The following DFFB variants were observed in gnomAD, a reference collection of about 807,000 sequenced individuals.
DFFB encodes DNA fragmentation factor 40 kDa subunit.
In DFFB, 29 loss-of-function variants were observed where a neutral mutation model predicts 32.7. The observed-to-expected ratio is 0.89, with a 90% CI of 0.66 to 1.21. DFFB has a LOEUF of 1.21. Ranked by LOEUF, DFFB falls within the 50% of genes most tolerant of loss-of-function variation. The pLI, the probability that DFFB is intolerant of heterozygous loss-of-function variation, is 0.00. For synonymous variants in DFFB, 170 were observed against 177.1 expected (o/e 0.96, Z 0.32); for missense variants, 398 against 440.6 (o/e 0.90, Z 0.87).
At chr1:3,861,016 A>C (rs573426419) in intron 2 of DFFB, among the ~76,000 whole-genome samples, 44 of 152,182 alleles carry the variant, frequency 2.9e-4, no homozygotes, top group African/African-American at 9.9e-4. Flanking sequence ...TTAGCTGGGC[A>C]TGGTGGCGGG....
At chr1:3,868,620 C>T (rs1570914360) in intron 4 of DFFB, among the ~76,000 whole-genome samples, 2 of 151,978 alleles carry the variant, frequency 1.3e-5, no homozygotes, top group Admixed American at 1.3e-4. Context: ...CCAGACCACA[C>T]CACACCAGGC....
At chr1:3,864,411 G>A (rs1372315665) in intron 2 of DFFB, among the ~76,000 whole-genome samples, 1 of 152,146 alleles carries the variant, frequency 6.6e-6, no homozygotes, top group Non-Finnish European at 1.5e-5. Context: ...GTGCAGCCTC[G>A]CCAGCTTTCG....
intron 6 of DFFB, among the ~76,000 whole-genome samples, chr1:3,874,110 C>G (rs150035692): frequency 0.012 from 1,706 of 147,146 alleles, 64 homozygotes; most frequent in African/African-American, 0.042. Context: ...CCCACGCTGT[C>G]ATCTGCAGAG....
Position 3,866,465 on chromosome 1 carries a change from A to G in DFFB, c.430+465A>G, listed in dbSNP as rs1644982911. On this transcript the variant is annotated intron_variant, in intron 3 of 6. Transcript: ENST00000378209. ...GAGATGAGGTTTCGCCATGTTGGCC[A>G]GGCTGGTCTCAAACTTCTGATCTCA... is the stretch of plus-strand genomic sequence containing the variant. 1.5e-5 allele frequency: 3 copies of G among 200,046 alleles called. No individual in the cohort carries two copies. In the South Asian group the frequency reaches 1.9e-4, roughly 13 times the overall value. 12.4% of individuals were successfully genotyped at this position (200,046 alleles called of 1,614,324 possible).
At chr1:3,880,443 A>T (rs1645312967) in intron 6 of DFFB, among the ~76,000 whole-genome samples, 1 of 152,142 alleles carries the variant, frequency 6.6e-6, no homozygotes, top group African/African-American at 2.4e-5. Context: ...AGAGTTATGG[A>T]GTCTGAGGTG....
At chr1:3,870,850 A>G (rs1341413767) in intron 5 of DFFB, among the ~76,000 whole-genome samples, 1 of 151,842 alleles carries the variant, frequency 6.6e-6, no homozygotes, top group Non-Finnish European at 1.5e-5. Context: ...TCTGCTGGGG[A>G]GGCTGTGAGT....
At chr1:3,879,487 G>A (rs1021993265) in intron 6 of DFFB, among the ~76,000 whole-genome samples, 2 of 152,104 alleles carry the variant, frequency 1.3e-5, no homozygotes, top group Non-Finnish European at 2.9e-5. Context: ...ATGAGGGTGG[G>A]GCCCTAATCC....
At chr1:3,878,140 T>C (rs546608653) in intron 6 of DFFB, among the ~76,000 whole-genome samples, 36 of 151,862 alleles carry the variant, frequency 2.4e-4, no homozygotes, top group African/African-American at 8.4e-4. Context: ...CCATGATGGC[T>C]ACTCAGTGAA....
At chr1:3,872,784 C>G (rs75796323) in intron 6 of DFFB, among the ~76,000 whole-genome samples, 4,963 of 152,290 alleles carry the variant, frequency 0.033, 241 homozygotes, top group African/African-American at 0.11. Flanking sequence ...ACACACCATT[C>G]CCTCCACTGT....
intron 5 of DFFB, among the ~76,000 whole-genome samples, chr1:3,870,247 C>T (rs1645084628): frequency 6.6e-6 from 1 of 152,186 alleles, no homozygotes. Context: ...TGGGCACACC[C>T]CTCCCCCTCC....
intron 1 of DFFB, among the ~76,000 whole-genome samples, chr1:3,858,058 G>A (rs1045221705): frequency 7.2e-5 from 11 of 152,210 alleles, no homozygotes; most frequent in African/African-American, 2.4e-4. Flanking sequence ...TTCCCCTTGA[G>A]TAACATGAAA....
In DFFB at chr1:3,862,920, C is replaced by T. The variant is rs531943728; in HGVS notation, c.242-2892C>T. ...ATCCCAGCACTTTGGGAGGCCGAGA[C>T]GGGCAGATCACTTGAGGTCAGGAGT... On this transcript the variant is annotated intron_variant, in intron 2 of 6. Coordinates refer to ENST00000378209, the MANE Select transcript of DFFB (RefSeq NM_004402.4). Among the ~76,000 whole-genome samples the T allele has an allele frequency of 2.0e-4, 31 of 152,242 alleles. No homozygotes were observed. In the South Asian group the frequency reaches 6.0e-3, roughly 30 times the overall value.
At position 3,865,618 on chromosome 1, in the gene DFFB, T is replaced by A; in HGVS notation, c.242-194T>A. On this transcript the variant is annotated intron_variant, in intron 2 of 6. Transcript: ENST00000378209. The surrounding 1 kb of genome is among the most constrained non-coding windows in gnomAD (Gnocchi z 4.7). ...CCTGCCCCTCCCTCCTCTGTCCTCA[T>A]GCCGCCCTTGTGCGTGGTCCCCAGC... is the stretch of plus-strand genomic sequence containing the variant. The A allele has an allele frequency of 1.3e-6, 1 of 794,412 alleles. No homozygotes were observed. Among genetic ancestry groups the A allele is most frequent in the East Asian group, 2.6e-5 (1 of 38,452 alleles). The allele number at this position is 794,412 out of a possible 1,614,324, so 49.2% of individuals were successfully genotyped here. A position where few individuals can be genotyped will look rare whatever the true frequency, so the allele number is the denominator to read the frequency against.
At position 3,884,482 on chromosome 1, in the gene DFFB, A is replaced by G. The variant is rs187389050; in HGVS notation, c.*741A>G. Reference sequence around the variant, plus strand: ...GCAAATGGGCAGCTCCATCCTCTTGACTCTTCTAAATGCCCAAAAGAGGTG... The same window carrying G: ...GCAAATGGGCAGCTCCATCCTCTTGGCTCTTCTAAATGCCCAAAAGAGGTG... On this transcript the variant is annotated 3_prime_UTR_variant, in exon 7 of 7. Transcript: ENST00000378209. The G allele has an allele frequency of 6.6e-6, 1 of 151,572 alleles. No individual in the cohort carries two copies. The allele number at this position is 151,572 out of a possible 1,614,324, so 9.4% of individuals were successfully genotyped here.
chr1:3,862,960 C>G (rs1289398304), intron 2 of DFFB, among the ~76,000 whole-genome samples: 2 of 152,044 alleles, frequency 1.3e-5, no homozygotes, highest in African/African-American at 4.8e-5. Flanking sequence ...ACAAGCCTGG[C>G]CAACATGGTG....
At chr1:3,873,300 T>C (rs1645156469) in intron 6 of DFFB, among the ~76,000 whole-genome samples, 1 of 152,194 alleles carries the variant, frequency 6.6e-6, no homozygotes, top group African/African-American at 2.4e-5. Context: ...TTGAATATAA[T>C]TGTAGCCTTG....
intron 4 of DFFB, 48 bp from the exon 5 acceptor site, chr1:3,869,557 T>C (rs746256003): frequency 6.4e-7 from 1 of 1,568,386 alleles, no homozygotes; most frequent in East Asian, 2.3e-5. Context: ...CAGTGCGGGT[T>C]TTGGGGCGCT....
At chr1:3,859,032 C>T (rs1644825671) in intron 2 of DFFB, among the ~76,000 whole-genome samples, 188 bp downstream of exon 2, 1 of 152,186 alleles carries the variant, frequency 6.6e-6, no homozygotes, top group South Asian at 2.1e-4. Context: ...TCAGTCCTCT[C>T]GTTCATGAAC....
intron 6 of DFFB, among the ~76,000 whole-genome samples, chr1:3,882,781 G>C (rs1023661269): frequency 6.6e-6 from 1 of 152,172 alleles, no homozygotes; most frequent in East Asian, 1.9e-4. Context: ...AGGGACATAA[G>C]ATTACAAGTG....
Sources: gnomAD v4.1 joint callset for allele counts (sites outside exome capture counted in the v4.1 genomes callset) on GRCh38, gnomAD v4.1.1 for gene constraint, Gnocchi (gnomAD v3.1) non-coding constraint, MANE v1.5 for transcripts, NCBI Gene and HGNC (gene_info 2026-07-23, HGNC 2026-07-21) for gene names.